Variants in CNTNAP2 observed in about 807,000 individuals in gnomAD.
The protein encoded by CNTNAP2 is contactin-associated protein-like 2.
Under a neutral mutation model 155.2 loss-of-function variants are expected in CNTNAP2, and 98 were observed. The ratio of observed to expected loss-of-function variants is 0.63; its 90% CI spans 0.54 to 0.75. The LOEUF (loss-of-function observed/expected upper bound fraction) is 0.75. Ranked by LOEUF, CNTNAP2 falls within the 30% of genes least tolerant of loss-of-function variation. CNTNAP2 has a pLI of 0.00. For missense variants in CNTNAP2, 1,727 were observed against 1,688.1 expected, an observed-to-expected ratio of 1.02 and a Z score of -0.40; for synonymous variants, 651 against 631.2, an observed-to-expected ratio of 1.03 and a Z score of -0.47.
intron 8 of CNTNAP2, among the ~76,000 whole-genome samples, chr7:147,288,636 T>C (rs868767886): frequency 6.6e-6 from 1 of 152,336 alleles, no homozygotes; most frequent in South Asian, 2.1e-4. Flanking sequence ...TAGTTTGCAG[T>C]TACTCATGGC....
chr7:146,311,199 A>G (rs566797965), intron 1 of CNTNAP2, among the ~76,000 whole-genome samples: 1 of 152,324 alleles, frequency 6.6e-6, no homozygotes, highest in Admixed American at 6.5e-5. Context: ...AAATTTTACA[A>G]ATAAACATTT....
intron 11 of CNTNAP2, among the ~76,000 whole-genome samples, chr7:147,492,924 TAA>T (rs918568888): frequency 6.6e-6 from 1 of 152,216 alleles, no homozygotes; most frequent in Admixed American, 6.5e-5. Context: ...TCTCTAAACT[TAA>T]GTTTCCTTTT....
chr7:148,008,531 C>G (rs1475882946), intron 15 of CNTNAP2, among the ~76,000 whole-genome samples: 6 of 152,198 alleles, frequency 3.9e-5, no homozygotes, highest in Non-Finnish European at 7.3e-5. Flanking sequence ...TGACATACTT[C>G]TTTCCATGTT....
intron 1 of CNTNAP2, among the ~76,000 whole-genome samples, chr7:146,611,944 A>G (rs562528930): frequency 6.6e-5 from 10 of 152,298 alleles, no homozygotes; most frequent in Middle Eastern, 3.4e-3. Context: ...TCAAACTTCC[A>G]GTTCTCTGAT....
chr7:146,969,031 A>G (rs1321868493), intron 3 of CNTNAP2, among the ~76,000 whole-genome samples: 232 of 145,418 alleles, frequency 1.6e-3, no homozygotes, highest in South Asian at 2.2e-3. Flanking sequence ...CGTTGGTTTC[A>G]AAGAACATCT....
intron 1 of CNTNAP2, among the ~76,000 whole-genome samples, chr7:146,165,746 GA>G (rs1227160094): frequency 3.3e-5 from 5 of 152,110 alleles, no homozygotes; most frequent in African/African-American, 1.2e-4. Context: ...ATGTGAGATA[GA>G]TACAGCATAA....
At chr7:148,311,439 G>A (rs1298331426) in intron 21 of CNTNAP2, among the ~76,000 whole-genome samples, 1 of 152,124 alleles carries the variant, frequency 6.6e-6, no homozygotes, top group Non-Finnish European at 1.5e-5. Flanking sequence ...GTAGAGGGTG[G>A]CAGAGGAATG....
At chr7:146,643,051 G>C (rs1408074220) in intron 1 of CNTNAP2, among the ~76,000 whole-genome samples, 2 of 144,982 alleles carry the variant, frequency 1.4e-5, no homozygotes, top group African/African-American at 5.2e-5. Context: ...TGTAGATTCT[G>C]GATATTAGCC....
At chr7:146,625,021 A>C (rs1052911118) in intron 1 of CNTNAP2, among the ~76,000 whole-genome samples, 1 of 152,020 alleles carries the variant, frequency 6.6e-6, no homozygotes, top group African/African-American at 2.4e-5. Context: ...TTAAGATTAA[A>C]TAGATATACA....
chr7:147,214,337 G>A (rs980656256), intron 8 of CNTNAP2, among the ~76,000 whole-genome samples: 3 of 152,118 alleles, frequency 2.0e-5, no homozygotes, highest in Non-Finnish European at 2.9e-5. Context: ...GCATAAGTTT[G>A]ATCCTAGCTC....
intron 11 of CNTNAP2, chr7:147,497,043 G>A (rs1002779505): frequency 3.9e-5 from 6 of 152,066 alleles, no homozygotes; most frequent in Admixed American, 6.6e-5. Flanking sequence ...AAATGCAGCC[G>A]TTTCCAAGAA....
In CNTNAP2 at chr7:147,003,782, G is replaced by A. The variant is rs540826120; in HGVS notation, c.403-40125G>A. ...CTCATGTCTGTAAGCCCAGAGTTAC[G>A]GGAGGCTGAGTGAGGTGGAAGGACT... is the stretch of plus-strand genomic sequence containing the variant. On this transcript the variant is annotated intron_variant, in intron 3 of 23. Transcript: ENST00000361727. Among the ~76,000 whole-genome samples, 103 of 152,034 alleles carry A rather than the reference G, an allele frequency of 6.8e-4. 1 individual carries two copies. The highest frequency in any genetic ancestry group is 1.9e-4 in the East Asian group (1 of 5,160).
chr7:147,955,346 T>G (rs1801002246), intron 14 of CNTNAP2, among the ~76,000 whole-genome samples: 1 of 152,140 alleles, frequency 6.6e-6, no homozygotes, highest in Non-Finnish European at 1.5e-5. Context: ...TAAGACAACA[T>G]TAAAAACCCT....
intron 11 of CNTNAP2, among the ~76,000 whole-genome samples, chr7:147,559,596 GAC>G (rs1800019665): frequency 6.6e-6 from 1 of 152,112 alleles, no homozygotes; most frequent in African/African-American, 2.4e-5. Flanking sequence ...AGAAGAAAAA[GAC>G]AATGATTTAT....
chr7:146,721,374 TACATTCTATATACATTCTATATAC>T lies in CNTNAP2; in HGVS notation c.98-52895_98-52872del, dbSNP rs1563203482. ...ATACATTCTATATACATTCTATATA[TACATTCTATATACATTCTATATAC>T]ATTCTATATATATTCTATATATACA... On this transcript the variant is annotated intron_variant, in intron 1 of 23. Transcript: ENST00000361727. Among the ~76,000 whole-genome samples the T allele has an allele frequency of 3.0e-3, 314 of 105,130 alleles. 7 individuals are homozygous for T. The highest frequency in any genetic ancestry group is 0.025 in the Middle Eastern group (2 of 80). 69.0% of individuals were successfully genotyped at this position (105,130 alleles called of 152,430 possible).
chr7:146,811,827 G>T (rs1190685561), intron 2 of CNTNAP2, among the ~76,000 whole-genome samples: 3 of 152,112 alleles, frequency 2.0e-5, no homozygotes, highest in African/African-American at 7.2e-5. Context: ...GAGTTCTCAT[G>T]AGATCTGATG....
At chr7:146,573,923 T>C (rs1388482459) in intron 1 of CNTNAP2, among the ~76,000 whole-genome samples, 1 of 152,216 alleles carries the variant, frequency 6.6e-6, no homozygotes, top group Non-Finnish European at 1.5e-5. Context: ...TTATATTATC[T>C]GGCACATAAA....
chr7:146,946,099 C>T (rs1035525822), intron 3 of CNTNAP2, among the ~76,000 whole-genome samples: 4 of 140,870 alleles, frequency 2.8e-5, no homozygotes, highest in African/African-American at 1.1e-4. Flanking sequence ...CCTTCCTTTC[C>T]TTCTTTCCTT....
intron 1 of CNTNAP2, among the ~76,000 whole-genome samples, chr7:146,613,917 C>T (rs347208): frequency 0.13 from 20,344 of 152,082 alleles, 2,361 homozygotes; most frequent in African/African-American, 0.31. Context: ...TGAATATATC[C>T]TTGAAATATT....
Sources: gnomAD v4.1 joint callset for allele counts (sites outside exome capture counted in the v4.1 genomes callset) on GRCh38, gnomAD v4.1.1 for gene constraint, MANE v1.5 for transcripts, NCBI Gene and HGNC (gene_info 2026-07-23, HGNC 2026-07-21) for gene names.